The following KCNN2 variants were observed in gnomAD, a reference collection of about 807,000 sequenced individuals.
KCNN2 encodes potassium calcium-activated channel subfamily N member 2.
Under a neutral mutation model 55.5 loss-of-function variants are expected in KCNN2, and 24 were observed. The ratio of observed to expected loss-of-function variants is 0.43; its 90% CI spans 0.31 to 0.61. The LOEUF (loss-of-function observed/expected upper bound fraction) is 0.61, where lower values mean the gene tolerates loss of function less well. Ranked by LOEUF, KCNN2 falls within the 20% of genes least tolerant of loss-of-function variation. KCNN2 has a pLI of 0.08. For synonymous variants in KCNN2, 431 were observed against 336.1 expected, an observed-to-expected ratio of 1.28 and a Z score of -3.09; for missense variants, 754 against 853.6, an observed-to-expected ratio of 0.88 and a Z score of 1.45.
chr5:114,249,075 C>T (rs1754806019), intron 2 of KCNN2, among the ~76,000 whole-genome samples: 1 of 152,002 alleles, frequency 6.6e-6, no homozygotes, highest in Non-Finnish European at 1.5e-5. Flanking sequence ...TAAATTTCTA[C>T]AAAGACAAAG....
Position 114,363,972 on chromosome 5 carries a change from A to G in KCNN2, c.1189A>G (p.Ile397Val). The change falls in exon 2 of 8, where the codon ATC becomes GTC. Residue 397 changes from isoleucine (I) to valine (V), a missense_variant. By Grantham distance (29) the Ile-to-Val change is conservative (BLOSUM62 3). Coordinates refer to ENST00000673685, the MANE Select transcript of KCNN2 (RefSeq NM_021614.4). ...SLSTIILLGLIIVYHAREIQL... is the reference protein window; with the variant it reads ...SLSTIILLGLVIVYHAREIQL... ...CTCCACGATCATCCTGCTCGGTCTG[A>G]TCATCGTGTACCACGCCAGGGAAAT... The G allele has an allele frequency of 6.2e-7, 1 of 1,614,032 alleles. No homozygotes were observed. Among genetic ancestry groups the G allele is most frequent in the Non-Finnish European group, 8.5e-7 (1 of 1,179,916 alleles).
intron 3 of KCNN2, among the ~76,000 whole-genome samples, chr5:114,425,901 T>C (rs1759608072): frequency 6.6e-6 from 1 of 151,900 alleles, no homozygotes; most frequent in African/African-American, 2.4e-5. Context: ...GAAAAAAGGC[T>C]GGGTGCAGTG....
chr5:114,458,089 T>C (rs1761012898), intron 3 of KCNN2, among the ~76,000 whole-genome samples: 1 of 152,186 alleles, frequency 6.6e-6, no homozygotes, highest in African/African-American at 2.4e-5. Context: ...TTTACACCTT[T>C]TAAAAAAAAT....
chr5:114,285,438 TC>T (rs1755724506), intron 2 of KCNN2, among the ~76,000 whole-genome samples: 1 of 151,876 alleles, frequency 6.6e-6, no homozygotes, highest in Non-Finnish European at 1.5e-5. Context: ...GAACATAAAA[TC>T]AAGACTGTGA....
chr5:114,098,942 C>T (rs577293003), intron 1 of KCNN2, among the ~76,000 whole-genome samples: 4 of 152,198 alleles, frequency 2.6e-5, no homozygotes, highest in South Asian at 4.1e-4. Context: ...TACTCCACAT[C>T]CTTGAGAGAA....
chr5:114,400,460 C>T (rs1022586017), intron 2 of KCNN2, among the ~76,000 whole-genome samples: 3 of 152,184 alleles, frequency 2.0e-5, no homozygotes, highest in African/African-American at 4.8e-5. Context: ...CCTGTTTTCC[C>T]CAGAGCAGTA....
chr5:114,374,097 C>T (rs530857086), intron 2 of KCNN2, among the ~76,000 whole-genome samples: 10 of 152,132 alleles, frequency 6.6e-5, no homozygotes, highest in Non-Finnish European at 1.5e-4. Flanking sequence ...TGACAGTTTG[C>T]ACCAAAATGG....
chr5:114,227,991 T>C (rs199857268), intron 2 of KCNN2, among the ~76,000 whole-genome samples: 56 of 113,460 alleles, frequency 4.9e-4, no homozygotes, highest in Admixed American at 2.6e-3. Context: ...TTGATGATGA[T>C]GACGATGATG....
chr5:114,240,669 A>C (rs1395126974), intron 2 of KCNN2, among the ~76,000 whole-genome samples: 2 of 152,120 alleles, frequency 1.3e-5, no homozygotes, highest in Non-Finnish European at 2.9e-5. Context: ...TGCCTCAAGC[A>C]ATCCACTGCC....
chr5:114,240,546 C>G (rs1333081849), intron 2 of KCNN2, among the ~76,000 whole-genome samples: 2 of 150,696 alleles, frequency 1.3e-5, no homozygotes, highest in African/African-American at 2.4e-5. Flanking sequence ...ATTCTTGTGT[C>G]TTAGCCTCCT....
chr5:114,128,303 G>A (rs1751981665), intron 1 of KCNN2, among the ~76,000 whole-genome samples: 3 of 152,112 alleles, frequency 2.0e-5, no homozygotes. Flanking sequence ...TGATGAAAGG[G>A]GAAGTAAATA....
intron 1 of KCNN2, among the ~76,000 whole-genome samples, chr5:114,061,529 T>C (rs910671640): frequency 1.3e-5 from 2 of 152,154 alleles, no homozygotes; most frequent in Admixed American, 6.5e-5. Flanking sequence ...TGCCATGATT[T>C]GTCCTTCCAG....
intron 4 of KCNN2, among the ~76,000 whole-genome samples, chr5:114,469,552 A>T (rs966876159): frequency 1.3e-5 from 2 of 152,182 alleles, no homozygotes; most frequent in Admixed American, 1.3e-4. Context: ...AGGGATCTTA[A>T]TTTCAGAGAG....
At chr5:114,175,256 C>T (rs1004168354) in intron 1 of KCNN2, among the ~76,000 whole-genome samples, 5 of 152,126 alleles carry the variant, frequency 3.3e-5, no homozygotes, top group African/African-American at 1.2e-4. Context: ...TAACTTGCCA[C>T]GTATATGTAT....
At chr5:114,074,310 G>GTA (rs1750640152) in intron 1 of KCNN2, among the ~76,000 whole-genome samples, 2 of 139,096 alleles carry the variant, frequency 1.4e-5, no homozygotes, top group Non-Finnish European at 3.1e-5. Context: ...GTGTGTGTGT[G>GTA]TGTGTGTGTG....
At chr5:114,133,165 A>C (rs1415368432) in intron 1 of KCNN2, among the ~76,000 whole-genome samples, 2 of 152,202 alleles carry the variant, frequency 1.3e-5, no homozygotes, top group Non-Finnish European at 2.9e-5. Context: ...GATAATTATC[A>C]GATTCTATAA....
chr5:114,339,640 A>C (rs1040062746), intron 2 of KCNN2, among the ~76,000 whole-genome samples: 1 of 151,686 alleles, frequency 6.6e-6, no homozygotes, highest in South Asian at 2.1e-4. Context: ...CCATCTCTAC[A>C]AAAAATACAA....
At chr5:114,186,177 C>T (rs1363206040) in intron 1 of KCNN2, among the ~76,000 whole-genome samples, 1 of 152,032 alleles carries the variant, frequency 6.6e-6, no homozygotes, top group African/African-American at 2.4e-5. Context: ...ATTTCTGTGA[C>T]CAGTATACTA....
intron 2 of KCNN2, among the ~76,000 whole-genome samples, chr5:114,349,770 A>G (rs1323810221): frequency 1.3e-5 from 2 of 152,164 alleles, no homozygotes; most frequent in East Asian, 3.9e-4. Flanking sequence ...GTACATACCT[A>G]GAAGTGAAAT....
Sources: allele counts gnomAD v4.1 joint callset (sites outside exome capture counted in the v4.1 genomes callset), GRCh38; gene constraint gnomAD v4.1.1; transcripts MANE v1.5; gene names NCBI Gene and HGNC (gene_info 2026-07-23, HGNC 2026-07-21).